RNF175: variants seen among roughly 807,000 people sequenced by gnomAD.
RNF175 encodes ring finger protein 175.
A neutral mutation model predicts 50.0 loss-of-function variants in RNF175; 38 were observed. That is an observed-to-expected ratio of 0.76 (90% CI 0.59 to 1.00). The LOEUF is 1.00. RNF175 is among the 50% of genes least tolerant of loss of function. RNF175 has a pLI of 0.00. For missense variants in RNF175, 388 were observed against 409.6 expected (o/e 0.95, Z 0.46); for synonymous variants, 155 against 146.1 (o/e 1.06, Z -0.44).
intron 3 of RNF175, among the ~76,000 whole-genome samples, chr4:153,740,013 T>C (rs1410291797): frequency 2.6e-5 from 4 of 152,150 alleles, no homozygotes; most frequent in East Asian, 3.8e-4. Flanking sequence ...ATAGTTTAGA[T>C]ATCCTGTTCT....
At chr4:153,738,176 A>T (rs1739449715) in intron 3 of RNF175, among the ~76,000 whole-genome samples, 1 of 152,046 alleles carries the variant, frequency 6.6e-6, no homozygotes, top group African/African-American at 2.4e-5. Context: ...CAGCCTCTGG[A>T]GTAGCTGGGA....
chr4:153,736,101 C>T (rs1364862961), intron 3 of RNF175, among the ~76,000 whole-genome samples: 1 of 152,156 alleles, frequency 6.6e-6, no homozygotes, highest in Non-Finnish European at 1.5e-5. Context: ...CAGTTGTAGG[C>T]TTTCTGTAGG....
chr4:153,752,251 C>T (rs971172964), intron 1 of RNF175, among the ~76,000 whole-genome samples: 1 of 152,204 alleles, frequency 6.6e-6, no homozygotes, highest in African/African-American at 2.4e-5. Flanking sequence ...TTTTTGCCCC[C>T]AAAGCAGAAG....
chr4:153,732,854 TG>T (rs1277028080), intron 3 of RNF175, among the ~76,000 whole-genome samples: 2 of 152,188 alleles, frequency 1.3e-5, no homozygotes, highest in Non-Finnish European at 2.9e-5. Flanking sequence ...GATTACCAGC[TG>T]GAAAGGGAAA....
chr4:153,718,226 G>GTTTTTTTTTTTTTTTTTTTTTTTTTTTTT (rs1325216298), intron 6 of RNF175, among the ~76,000 whole-genome samples: 3 of 30,580 alleles, frequency 9.8e-5, no homozygotes, highest in Admixed American at 5.8e-4. Flanking sequence ...TTGTTTGTTT[G>GTTTTTTTTTTTTTTTTTTTTTTTTTTTTT]TTTGTTTGTT....
rs1740089740 is a variant in RNF175, at chr4:153,748,334, G to A, written c.246+311C>T. 4 of 237,050 alleles carry A rather than the reference G, an allele frequency of 1.7e-5. No individual in the cohort carries two copies. The South Asian group carries it at 6.3e-4, about 37-fold the overall frequency. 14.7% of individuals were successfully genotyped at this position (237,050 alleles called of 1,614,324 possible). A position where few individuals can be genotyped will look rare whatever the true frequency, so the allele number is the denominator to read the frequency against. On this transcript the variant is annotated intron_variant, in intron 3 of 8. Transcript: ENST00000347063. ...AGTCTTGGCACCATTGACATTTTAG[G>A]CCAGATAATTTTTGTTGTGGGGAGC... is the stretch of plus-strand genomic sequence containing the variant.
chr4:153,712,249 T>C (rs1177211979), intron 8 of RNF175, among the ~76,000 whole-genome samples: 1 of 152,180 alleles, frequency 6.6e-6, no homozygotes, highest in Non-Finnish European at 1.5e-5. Flanking sequence ...GTGGAAAATA[T>C]AGAACATAAA....
intron 2 of RNF175, among the ~76,000 whole-genome samples, chr4:153,751,047 C>CA (rs750597324): frequency 5.7e-4 from 87 of 152,126 alleles, no homozygotes; most frequent in Non-Finnish European, 1.1e-3. Flanking sequence ...TCCTGTAATA[C>CA]AAAAAAGGAG....
At chr4:153,742,009 G>A (rs1192033769) in intron 3 of RNF175, among the ~76,000 whole-genome samples, 8 of 152,138 alleles carry the variant, frequency 5.3e-5, no homozygotes, top group Admixed American at 1.3e-4. Context: ...GGTGGCTCAC[G>A]CCTGTAATCC....
intron 4 of RNF175, among the ~76,000 whole-genome samples, chr4:153,725,135 T>G (rs1288541601): frequency 6.9e-4 from 85 of 123,844 alleles, no homozygotes; most frequent in South Asian, 1.2e-3. Context: ...CGTGGGGGAG[T>G]GGGCAGGGGT....
chr4:153,734,665 C>CTTTTTTTTTTTTTTTTTTTTTTTTTTTTT (rs56211482), intron 3 of RNF175, among the ~76,000 whole-genome samples: 2 of 73,178 alleles, frequency 2.7e-5, no homozygotes, highest in Non-Finnish European at 2.2e-5. Context: ...TTTTTTTATT[C>CTTTTTTTTTTTTTTTTTTTTTTTTTTTTT]TTTTTTTTTT....
chr4:153,758,031 C>G (rs1740645175), intron 1 of RNF175, among the ~76,000 whole-genome samples: 1 of 152,176 alleles, frequency 6.6e-6, no homozygotes, highest in Non-Finnish European at 1.5e-5. Context: ...CATGGCTTTT[C>G]TGCTGGAGCT....
At chr4:153,743,773 G>T (rs72731672) in intron 3 of RNF175, among the ~76,000 whole-genome samples, 26,843 of 152,124 alleles carry the variant, frequency 0.18, 3,081 homozygotes, top group Non-Finnish European at 0.25. Flanking sequence ...GAGTCAGGGG[G>T]AGGTGGCAGT....
At chr4:153,725,942 G>T (rs1738670557) in intron 4 of RNF175, among the ~76,000 whole-genome samples, 1 of 152,170 alleles carries the variant, frequency 6.6e-6, no homozygotes, top group Non-Finnish European at 1.5e-5. Context: ...TTGCTACCCA[G>T]ACTTACACTG....
intron 3 of RNF175, among the ~76,000 whole-genome samples, chr4:153,735,641 T>C (rs1382133150): frequency 6.6e-6 from 1 of 152,224 alleles, no homozygotes; most frequent in East Asian, 1.9e-4. Flanking sequence ...ATATTGATAC[T>C]GAATCTTCCA....
At chr4:153,731,430 C>T (rs1393612693) in intron 3 of RNF175, among the ~76,000 whole-genome samples, 2 of 152,196 alleles carry the variant, frequency 1.3e-5, no homozygotes, top group Admixed American at 6.5e-5. Flanking sequence ...ACGGGTGGCT[C>T]ATGCATCTGG....
At chr4:153,724,726 C>G (rs1738568525) in intron 4 of RNF175, among the ~76,000 whole-genome samples, 1 of 152,030 alleles carries the variant, frequency 6.6e-6, no homozygotes, top group African/African-American at 2.4e-5. Flanking sequence ...CAGAAGGGAC[C>G]TTCTGAACAT....
intron 4 of RNF175, among the ~76,000 whole-genome samples, chr4:153,723,825 G>A (rs1421009667): frequency 6.6e-6 from 1 of 152,136 alleles, no homozygotes; most frequent in Non-Finnish European, 1.5e-5. Flanking sequence ...GTTTCAGCAG[G>A]AGTGCCTTGG....
intron 1 of RNF175, among the ~76,000 whole-genome samples, chr4:153,754,669 C>T (rs976957333): frequency 3.3e-5 from 5 of 152,152 alleles, no homozygotes; most frequent in African/African-American, 9.7e-5. Context: ...TGGGGCAGGT[C>T]CTAAATCCAA....
Sources: gnomAD v4.1 joint callset for allele counts (sites outside exome capture counted in the v4.1 genomes callset) on GRCh38, gnomAD v4.1.1 for gene constraint, MANE v1.5 for transcripts, NCBI Gene and HGNC (gene_info 2026-07-23, HGNC 2026-07-21) for gene names.